DNAH8: variants seen among roughly 807,000 people sequenced by gnomAD.
DNAH8 encodes axonemal beta dynein heavy chain 8.
Under a neutral mutation model 562.1 loss-of-function variants are expected in DNAH8, and 382 were observed. That is an observed-to-expected ratio of 0.68 (90% CI 0.63 to 0.74). The LOEUF is 0.74. Ranked by LOEUF, DNAH8 falls within the 30% of genes least tolerant of loss-of-function variation. The probability of loss-of-function intolerance (pLI) is 0.00; values close to 1 mark genes in which losing one functional copy is unlikely to be tolerated. For synonymous variants in DNAH8, 1,881 were observed against 1,919.4 expected, an observed-to-expected ratio of 0.98 and a Z score of 0.52; for missense variants, 5,203 against 5,620.4, an observed-to-expected ratio of 0.93 and a Z score of 2.37.
chr6:38,748,089 C>T (rs912808073), intron 8 of DNAH8, among the ~76,000 whole-genome samples: 1 of 152,280 alleles, frequency 6.6e-6, no homozygotes, highest in Non-Finnish European at 1.5e-5. Flanking sequence ...AGCAATGATT[C>T]AAAGGACATT....
rs1561871356 is a variant in DNAH8 at position 38,926,046 on chromosome 6, G to A, written c.10963-9G>A. 4.3e-6 allele frequency: 7 copies of A among 1,611,746 alleles called. No homozygotes were observed. The highest frequency in any genetic ancestry group is 5.9e-6 in the Non-Finnish European group (7 of 1,178,854). ...CTTTGAATGGTGATATCCATTTCCTGTTGTTCAGATTGGTGAGTGGGGGCT... is the reference window on the plus strand; with the variant it reads ...CTTTGAATGGTGATATCCATTTCCTATTGTTCAGATTGGTGAGTGGGGGCT... On this transcript the variant is annotated splice_polypyrimidine_tract_variant and intron_variant, in intron 73 of 92. Transcript: ENST00000327475.
intron 85 of DNAH8, 29 bp downstream of exon 85, chr6:38,974,558 A>G (rs1346416728): frequency 6.9e-6 from 11 of 1,600,950 alleles, no homozygotes; most frequent in Admixed American, 1.7e-5. Context: ...TTTCACATTT[A>G]GGAGATGGCC....
At chr6:39,016,320 G>C (rs1176943958) in intron 91 of DNAH8, among the ~76,000 whole-genome samples, 1 of 152,096 alleles carries the variant, frequency 6.6e-6, no homozygotes, top group East Asian at 1.9e-4. Flanking sequence ...GGGAGGCCGA[G>C]GCGGGCGGAT....
chr6:38,861,543 C>T (rs1776618452), intron 43 of DNAH8, among the ~76,000 whole-genome samples: 1 of 152,128 alleles, frequency 6.6e-6, no homozygotes, highest in African/African-American at 2.4e-5. Context: ...TTGCATCAGC[C>T]TGTGGTGCTT....
At chr6:39,016,292 G>A (rs1379111365) in intron 91 of DNAH8, among the ~76,000 whole-genome samples, 3 of 152,114 alleles carry the variant, frequency 2.0e-5, no homozygotes, top group Admixed American at 2.0e-4. Flanking sequence ...TGGCTCACGC[G>A]TGTAATCCCA....
chr6:38,715,960 A>ATATTTTTTTT (rs1372342002), intron 1 of DNAH8, among the ~76,000 whole-genome samples: 1 of 23,626 alleles, frequency 4.2e-5, no homozygotes. Flanking sequence ...ATATATATAT[A>ATATTTTTTTT]TTTTTTTTTT....
At chr6:38,864,657 C>T (rs1215060378) in intron 45 of DNAH8, among the ~76,000 whole-genome samples, 2 of 150,028 alleles carry the variant, frequency 1.3e-5, no homozygotes, top group African/African-American at 4.9e-5. Flanking sequence ...AAGACATTGG[C>T]TAAAGCAAGT....
At chr6:38,886,260 GA>G (rs1340793050) in intron 56 of DNAH8, among the ~76,000 whole-genome samples, 1 of 151,432 alleles carries the variant, frequency 6.6e-6, no homozygotes, top group African/African-American at 2.4e-5. Context: ...GATGGACCTG[GA>G]AAAAAAACAA....
At chr6:38,782,636 A>G (rs1033783314) in intron 16 of DNAH8, among the ~76,000 whole-genome samples, 1 of 152,164 alleles carries the variant, frequency 6.6e-6, no homozygotes, top group Admixed American at 6.5e-5. Flanking sequence ...GCGTGCTGGA[A>G]TTTAGGAATT....
intron 67 of DNAH8, among the ~76,000 whole-genome samples, chr6:38,914,267 T>C (rs969094338): frequency 4.6e-5 from 7 of 152,060 alleles, no homozygotes; most frequent in Non-Finnish European, 7.4e-5. Context: ...TCCCTGTATG[T>C]TCCAGGTTTC....
At chr6:38,920,593 T>C (rs1011181225) in intron 70 of DNAH8, among the ~76,000 whole-genome samples, 4 of 152,162 alleles carry the variant, frequency 2.6e-5, no homozygotes, top group African/African-American at 4.8e-5. Flanking sequence ...TATCCAATAG[T>C]ATTTATCACA....
rs754232500 is a variant in DNAH8, at chr6:38,924,142, A to G, written c.10942A>G (p.Met3648Val). ...PFTENLNLIS[M>V]LVDPPTIGEW... ...CACAGAAAACCTGAATCTTATTTCA[A>G]TGTTGGTGGATCCTCCAACTGTAAG... The change falls in exon 73 of 93, where the codon ATG becomes GTG. Residue 3648 changes from methionine (M) to valine (V), a missense_variant. Transcript: ENST00000327475. 93 of 1,613,750 alleles carry G rather than the reference A, an allele frequency of 5.8e-5. No individual in the cohort carries two copies. The highest frequency in any genetic ancestry group is 7.5e-5 in the Non-Finnish European group (88 of 1,179,838).
intron 88 of DNAH8, among the ~76,000 whole-genome samples, chr6:39,001,452 A>T (rs1311907246): frequency 6.6e-6 from 1 of 152,094 alleles, no homozygotes; most frequent in Non-Finnish European, 1.5e-5. Context: ...AGAGGTGAAG[A>T]CATCTAAGCT....
chr6:38,871,008 A>T (rs1470151135), intron 49 of DNAH8, among the ~76,000 whole-genome samples: 1 of 152,142 alleles, frequency 6.6e-6, no homozygotes, highest in Non-Finnish European at 1.5e-5. Flanking sequence ...GAATCTTTTG[A>T]CTGCATATGT....
intron 67 of DNAH8, among the ~76,000 whole-genome samples, chr6:38,914,513 G>A (rs1220142145): frequency 2.8e-5 from 4 of 145,276 alleles, no homozygotes; most frequent in African/African-American, 1.0e-4. Context: ...CGATTCTCCT[G>A]CCTAATTTTT....
At position 38,973,687 on chromosome 6, in the gene DNAH8, C is replaced by T. The variant is rs201465001; in HGVS notation, c.12552C>T (p.Cys4184=). The T allele has an allele frequency of 5.6e-6, 9 of 1,601,680 alleles. No individual in the cohort carries two copies. In the East Asian group the frequency reaches 2.0e-4, roughly 36 times the overall value. ...GTGGTTGGGTATTACTACAAAATTGCCACCTTGGCCTGGAATTCATGGAAG... is the reference window on the plus strand; with the variant it reads ...GTGGTTGGGTATTACTACAAAATTGTCACCTTGGCCTGGAATTCATGGAAG... ...QQGGWVLLQN[C]HLGLEFMEEL... Residue 4184 remains cysteine, a synonymous_variant, in exon 84 of 93, where the codon TGC becomes TGT. Transcript: ENST00000327475.
At chr6:38,932,775 G>C (rs1013305490) in intron 76 of DNAH8, 1 of 152,216 alleles carries the variant, frequency 6.6e-6, no homozygotes, top group African/African-American at 2.4e-5. Flanking sequence ...GAAAAGAGGA[G>C]ATGTGAATCC....
chr6:38,817,575 C>T (rs370796904), intron 26 of DNAH8, among the ~76,000 whole-genome samples: 1 of 152,214 alleles, frequency 6.6e-6, no homozygotes. Context: ...TTCTGTTTCA[C>T]TACAGCCCAC....
rs549807414 is a variant in DNAH8 at position 38,828,305 on chromosome 6, C to G, written c.4188+17C>G. ...AGCAAAGCTGTAAGTATGAATTTAA[C>G]TACATTATTTTTTCTTAAGTCACTA... On this transcript the variant is annotated intron_variant, in intron 30 of 92. Transcript: ENST00000327475. 6.9e-7 allele frequency: 1 copy of G among 1,447,844 alleles called. No individual in the cohort carries two copies. The highest frequency in any genetic ancestry group is 1.3e-5 in the South Asian group (1 of 76,112). 89.7% of individuals were successfully genotyped at this position (1,447,844 alleles called of 1,614,324 possible). A position where few individuals can be genotyped will look rare whatever the true frequency, so the allele number is the denominator to read the frequency against.
Sources: gnomAD v4.1 joint callset for allele counts (sites outside exome capture counted in the v4.1 genomes callset) on GRCh38, gnomAD v4.1.1 for gene constraint, MANE v1.5 for transcripts, NCBI Gene and HGNC (gene_info 2026-07-23, HGNC 2026-07-21) for gene names.